The following TLDC2 variants were observed in gnomAD, a reference collection of about 807,000 sequenced individuals.
The protein encoded by TLDC2 is TBC/LysM-associated domain containing 2.
TLDC2 carries 23 observed loss-of-function variants against 27.9 expected under a neutral mutation model. The ratio of observed to expected loss-of-function variants is 0.82; its 90% CI spans 0.59 to 1.17. The LOEUF (loss-of-function observed/expected upper bound fraction) is 1.17. Ranked by LOEUF, TLDC2 falls within the 50% of genes most tolerant of loss-of-function variation. The pLI is 0.00. For synonymous variants in TLDC2, 124 were observed against 107.4 expected, an observed-to-expected ratio of 1.16 and a Z score of -0.96; for missense variants, 286 against 273.4, an observed-to-expected ratio of 1.05 and a Z score of -0.32.
At chr20:36,887,030 C>T (rs1397408088) in intron 4 of TLDC2, among the ~76,000 whole-genome samples, 2 of 152,006 alleles carry the variant, frequency 1.3e-5, no homozygotes, top group Non-Finnish European at 2.9e-5. Context: ...GCGGCAGGCC[C>T]GCTGTGTCTA....
chr20:36,880,091 A>ATG (rs1989778503), intron 3 of TLDC2, among the ~76,000 whole-genome samples: 2 of 44,738 alleles, frequency 4.5e-5, no homozygotes, highest in African/African-American at 1.1e-4. Context: ...ATATATATAT[A>ATG]TATATATATA....
chr20:36,876,924 T>A lies in TLDC2; in HGVS notation c.33+717T>A, dbSNP rs926737592. ...TACACTCAATACCTCCACACATTGA[T>A]GTGCCTACACAACTCTATTCCAAGC... On this transcript the variant is annotated intron_variant, in intron 1 of 6. Coordinates refer to ENST00000217320, the MANE Select transcript of TLDC2 (RefSeq NM_080628.3). 2.6e-5 allele frequency among the ~76,000 whole-genome samples: 4 copies of A among 152,216 alleles called. 1 individual carries two copies. Among genetic ancestry groups the A allele is most frequent in the African/African-American group, 9.6e-5 (4 of 41,456 alleles).
rs1051497466 is a variant in TLDC2, at chr20:36,887,363, C to T, written c.439-92C>T. ...GGTTGGGGCCTGGATGCTGTTCCCG[C>T]CACAACACTGCCATCCAGTGGTTCG... is the stretch of plus-strand genomic sequence containing the variant. On this transcript the variant is annotated intron_variant, in intron 4 of 6. Coordinates refer to ENST00000217320, the MANE Select transcript of TLDC2 (RefSeq NM_080628.3). 4.3e-6 allele frequency: 5 copies of T among 1,174,102 alleles called. No individual in the cohort carries two copies. The Admixed American group carries it at 5.1e-5, about 12-fold the overall frequency. 72.7% of individuals were successfully genotyped at this position (1,174,102 alleles called of 1,614,324 possible).
chr20:36,889,502 GGCT>G, intron 6 of TLDC2, 99 bp downstream of exon 6: 1 of 1,407,390 alleles, frequency 7.1e-7, no homozygotes, highest in Non-Finnish European at 9.4e-7. Context: ...AGTTGGCCGA[GGCT>G]GCTGGCCAGC....
At chr20:36,887,652 T>C in intron 5 of TLDC2, 124 bp downstream of exon 5, 1 of 886,948 alleles carries the variant, frequency 1.1e-6, no homozygotes, top group Non-Finnish European at 1.8e-6. Context: ...TCTCAGGCCG[T>C]TCCCCTCATT....
In TLDC2 at chr20:36,880,671, C is replaced by T; in HGVS notation, c.359C>T (p.Ser120Phe). Residue 120 changes from serine to phenylalanine, a missense_variant, in exon 4 of 7, where the codon TCC becomes TTC. Ser to Phe is a radical substitution (Grantham distance 155). Coordinates refer to ENST00000217320, the MANE Select transcript of TLDC2 (RefSeq NM_080628.3). ...ACTTTCCAGATATTTGGAGCCTTCTCCTCCTCGGCTATCCGACTCAGCAAA... is the reference window on the plus strand; with the variant it reads ...ACTTTCCAGATATTTGGAGCCTTCTTCTCCTCGGCTATCCGACTCAGCAAA... The part of the protein sequence containing the change: ...DQDGQIFGAF[S>F]SSAIRLSKGF... 1 of 1,614,190 alleles carries T rather than the reference C, an allele frequency of 6.2e-7. No homozygotes were observed. Among genetic ancestry groups the T allele is most frequent in the East Asian group, 2.2e-5 (1 of 44,880 alleles).
chr20:36,890,917 C>T (rs1990059918), intron 6 of TLDC2: 1 of 152,170 alleles, frequency 6.6e-6, no homozygotes, highest in African/African-American at 2.4e-5. Context: ...CACAATGATA[C>T]AATATTAGGA....
At chr20:36,884,002 G>A (rs949516788) in intron 4 of TLDC2, among the ~76,000 whole-genome samples, 2 of 152,220 alleles carry the variant, frequency 1.3e-5, no homozygotes, top group Non-Finnish European at 2.9e-5. Context: ...GCTGAGGCAT[G>A]AGAATCTCTT....
Position 36,878,028 on chromosome 20 carries a change from GT to G in TLDC2, c.167del (p.Leu56Ter), listed in dbSNP as rs1292993619. 1 of 1,613,922 alleles carries G rather than the reference GT, an allele frequency of 6.2e-7. No individual in the cohort carries two copies. The highest frequency in any genetic ancestry group is 1.7e-5 in the Admixed American group (1 of 59,998). On this transcript the variant is annotated frameshift_variant, in exon 2 of 7. Transcript: ENST00000217320. LOFTEE classifies it high-confidence loss of function. ...GCCCCAGCTGACAGAAGCCAGCCAG[GT>G]TTTGAGTGCCTCAGAGATTCGGCAG... is the stretch of plus-strand genomic sequence containing the variant. ...TVPQLTEASQ[V>X]LSASEIRQLS... is the part of the protein sequence containing the mutation.
chr20:36,878,964 C>T (rs1989736779), intron 2 of TLDC2, 77 bp from the exon 3 acceptor site: 1 of 1,607,670 alleles, frequency 6.2e-7, no homozygotes. Flanking sequence ...TGCATGCTAG[C>T]TGTCCAAGCC....
intron 4 of TLDC2, among the ~76,000 whole-genome samples, chr20:36,886,937 T>TG (rs1424105916): frequency 6.6e-6 from 1 of 151,952 alleles, no homozygotes; most frequent in Non-Finnish European, 1.5e-5. Flanking sequence ...GATTGCAGTG[T>TG]GGGTATGGCT....
At position 36,889,582 on chromosome 20, in the gene TLDC2, T is replaced by G. The variant is rs146863666; in HGVS notation, c.*17+179T>G. 329 of 662,844 alleles carry G rather than the reference T, an allele frequency of 5.0e-4. 2 individuals carry two copies. In the African/African-American group the frequency reaches 5.2e-3, roughly 10 times the overall value. 41.1% of individuals were successfully genotyped at this position (662,844 alleles called of 1,614,324 possible). ...CACTGCTCTTTTGCAGAGGTGACTT[T>G]GAAGGATTAAAAGACGCTTACACCT... On this transcript the variant is annotated intron_variant, in intron 6 of 6. Transcript: ENST00000217320.
At chr20:36,881,077 A>C (rs1989804371) in intron 4 of TLDC2, among the ~76,000 whole-genome samples, 2 of 152,158 alleles carry the variant, frequency 1.3e-5, no homozygotes, top group Non-Finnish European at 2.9e-5. Flanking sequence ...GGACACAGCC[A>C]ATGGCTTCTC....
intron 5 of TLDC2, among the ~76,000 whole-genome samples, 162 bp from the exon 6 acceptor site, chr20:36,889,089 T>C (rs936840276): frequency 6.6e-6 from 1 of 152,158 alleles, no homozygotes; most frequent in African/African-American, 2.4e-5. Flanking sequence ...GGGAACAATG[T>C]GCTGAGTCCC....
chr20:36,885,513 A>G, intron 4 of TLDC2, among the ~76,000 whole-genome samples: 1 of 152,186 alleles, frequency 6.6e-6, no homozygotes, highest in South Asian at 2.1e-4. Flanking sequence ...CTTCCACAGC[A>G]ACGTGTATCT....
At chr20:36,877,019 T>A (rs1433171785) in intron 1 of TLDC2, among the ~76,000 whole-genome samples, 1 of 152,184 alleles carries the variant, frequency 6.6e-6, no homozygotes, top group Non-Finnish European at 1.5e-5. Flanking sequence ...TATGACTGCA[T>A]GCATCATTTC....
Position 36,889,421 on chromosome 20 carries a change from T to C in TLDC2, c.*17+18T>C. 1 of 1,607,420 alleles carries C rather than the reference T, an allele frequency of 6.2e-7. No individual in the cohort carries two copies. Among genetic ancestry groups the C allele is most frequent in the Non-Finnish European group, 8.5e-7 (1 of 1,177,658 alleles). On this transcript the variant is annotated intron_variant, in intron 6 of 6. Transcript: ENST00000217320. ...GGCAACAGGTACTCAGCCCTGCTCA[T>C]GATGCCACCCAGGCCTTCCTGACAC...
Position 36,893,757 on chromosome 20 carries a change from A to ATG in TLDC2, c.*914_*915dup, listed in dbSNP as rs1990138011. Reference sequence around the variant, plus strand: ...GAGCCTCTGTTGTACCAGGAATACAATGCTGGTGGGAGGATTCGTGCTCCT... The same window carrying ATG: ...GAGCCTCTGTTGTACCAGGAATACAATGTGCTGGTGGGAGGATTCGTGCTCCT... On this transcript the variant is annotated 3_prime_UTR_variant, in exon 7 of 7. Transcript: ENST00000217320. 2.5e-6 allele frequency: 1 copy of ATG among 396,206 alleles called. No individual in the cohort carries two copies. Among genetic ancestry groups the ATG allele is most frequent in the African/African-American group, 2.1e-5 (1 of 48,590 alleles). 24.5% of individuals were successfully genotyped at this position (396,206 alleles called of 1,614,324 possible).
chr20:36,876,303 A>G, intron 1 of TLDC2, 96 bp downstream of exon 1: 2 of 1,533,548 alleles, frequency 1.3e-6, no homozygotes, highest in Non-Finnish European at 1.8e-6. Flanking sequence ...GGATGCGGGC[A>G]GTGACTTGTT....
Sources: gnomAD v4.1 joint callset for allele counts (sites outside exome capture counted in the v4.1 genomes callset) on GRCh38, gnomAD v4.1.1 for gene constraint, MANE v1.5 for transcripts, NCBI Gene and HGNC (gene_info 2026-07-23, HGNC 2026-07-21) for gene names.